TSHZ3: variants seen among roughly 807,000 people sequenced by gnomAD.
TSHZ3 encodes the protein teashirt homolog 3.
Under a neutral mutation model 64.5 loss-of-function variants are expected in TSHZ3, and 10 were observed. The ratio of observed to expected loss-of-function variants is 0.16; its 90% CI spans 0.10 to 0.26. The LOEUF (loss-of-function observed/expected upper bound fraction) is 0.26, where lower values mean the gene tolerates loss of function less well. Among genes scored for constraint, TSHZ3 ranks in the 10% least tolerant of loss-of-function variants. The pLI is 1.00. For missense variants in TSHZ3, 1,242 were observed against 1,421.7 expected (o/e 0.87, Z 2.03); for synonymous variants, 608 against 593.1 (o/e 1.03, Z -0.36).
intron 5 of TSHZ3, among the ~76,000 whole-genome samples, chr19:31,197,436 AAGG>A (rs141428087): frequency 3.7e-3 from 559 of 151,844 alleles, no homozygotes; most frequent in African/African-American, 0.013. Context: ...AGTCTGGAAT[AAGG>A]AGAAGAAAAA....
intron 1 of TSHZ3, chr19:31,308,750 C>T (rs1411290297): frequency 5.0e-6 from 2 of 398,446 alleles, no homozygotes; most frequent in African/African-American, 4.1e-5. Flanking sequence ...TCTAAGACCC[C>T]TGCTGAAATC....
At chr19:31,237,484 TTTTC>T (rs1242449151) in intron 3 of TSHZ3, among the ~76,000 whole-genome samples, 2 of 152,136 alleles carry the variant, frequency 1.3e-5, no homozygotes, top group African/African-American at 4.8e-5. Flanking sequence ...TGTTTATTTG[TTTTC>T]TTTATTTTTT....
intron 1 of TSHZ3, among the ~76,000 whole-genome samples, chr19:31,282,695 C>G (rs1157956210): frequency 6.6e-6 from 1 of 152,190 alleles, no homozygotes; most frequent in Non-Finnish European, 1.5e-5. Flanking sequence ...AACTACACAG[C>G]AGGGTCAGAA....
Position 31,279,824 on chromosome 19 carries a change from GAA to G in TSHZ3, c.41-74_41-73del, listed in dbSNP as rs553167929. 1 of 1,234,104 alleles carries G rather than the reference GAA, an allele frequency of 8.1e-7. No individual in the cohort carries two copies. The highest frequency in any genetic ancestry group is 1.1e-6 in the Non-Finnish European group (1 of 937,708). The allele number at this position is 1,234,104 out of a possible 1,614,324, so 76.4% of individuals were successfully genotyped here. On this transcript the variant is annotated intron_variant, in intron 1 of 1. Coordinates refer to ENST00000240587, the MANE Select transcript of TSHZ3 (RefSeq NM_020856.4). This position sits in a 1 kb window ranked among gnomAD's most constrained non-coding sequence, Gnocchi z 6.4. Reference sequence around the variant, plus strand: ...AGAGAGACAGGGAGAAGGAGAGAAAGAAAAAAAAAAGCATTAGTACTTGTTGA... The same window carrying G: ...AGAGAGACAGGGAGAAGGAGAGAAAGAAAAAAAAGCATTAGTACTTGTTGA...
chr19:31,286,472 C>T (rs981794109), intron 1 of TSHZ3, among the ~76,000 whole-genome samples: 3 of 152,234 alleles, frequency 2.0e-5, no homozygotes, highest in Non-Finnish European at 4.4e-5. Context: ...ATCTGGTCCT[C>T]TCAATGGTCA....
intron 1 of TSHZ3, among the ~76,000 whole-genome samples, chr19:31,304,948 C>T (rs962556319): frequency 5.9e-5 from 9 of 152,180 alleles, no homozygotes; most frequent in Non-Finnish European, 1.0e-4. Flanking sequence ...CCTTTGCAGA[C>T]GCAGTAATTT....
At position 31,213,885 on chromosome 19, in the gene TSHZ3, G is replaced by T. The variant is rs185856840; in HGVS notation, n.687-8807C>A. Among the ~76,000 whole-genome samples, 168 of 152,344 alleles carry T rather than the reference G, an allele frequency of 1.1e-3. 2 individuals are homozygous for T. The highest frequency in any genetic ancestry group is 2.9e-4 in the Non-Finnish European group (20 of 68,032). The stretch of plus-strand genomic sequence containing the variant: ...AGCCTCGAGCTGCCCCTGGAGTTTA[G>T]ACAATTATCTTCCTTTGAGGATTTG... On this transcript the variant is annotated intron_variant and non_coding_transcript_variant, in intron 4 of 6. Coordinates refer to the TSHZ3 transcript ENST00000651361.
intron 5 of TSHZ3, among the ~76,000 whole-genome samples, chr19:31,200,721 G>A (rs1350003707): frequency 1.3e-5 from 2 of 152,066 alleles, no homozygotes. Context: ...TGTAAAATAT[G>A]GACTCTGGGT....
chr19:31,283,396 C>T (rs1033753592), intron 1 of TSHZ3, among the ~76,000 whole-genome samples: 4 of 152,148 alleles, frequency 2.6e-5, no homozygotes, highest in African/African-American at 9.7e-5. Flanking sequence ...GCAATAATTT[C>T]ACTACTCTGA....
chr19:31,186,364 A>G (rs1311694565), intron 5 of TSHZ3, among the ~76,000 whole-genome samples: 1 of 152,200 alleles, frequency 6.6e-6, no homozygotes, highest in South Asian at 2.1e-4. Context: ...GGTTACCCTC[A>G]TGCTGTTCTC....
intron 5 of TSHZ3, among the ~76,000 whole-genome samples, chr19:31,191,088 T>G (rs1254280063): frequency 6.6e-6 from 1 of 152,090 alleles, no homozygotes; most frequent in Non-Finnish European, 1.5e-5. Flanking sequence ...TTAACTGGGA[T>G]GTCAGAAAGT....
intron 1 of TSHZ3, among the ~76,000 whole-genome samples, chr19:31,246,034 C>G (rs1276053033): frequency 2.0e-5 from 3 of 152,124 alleles, no homozygotes; most frequent in African/African-American, 7.2e-5. Context: ...GTATTCAGAC[C>G]TCAGAGACTT....
chr19:31,273,307 G>A (rs879121617), downstream of TSHZ3, among the ~76,000 whole-genome samples: 8 of 152,194 alleles, frequency 5.3e-5, no homozygotes, highest in Admixed American at 2.0e-4. Context: ...CCACGTATAT[G>A]AGCAGTCCTT....
intron 1 of TSHZ3, among the ~76,000 whole-genome samples, chr19:31,266,645 C>T (rs1362645708): frequency 6.6e-6 from 1 of 152,170 alleles, no homozygotes; most frequent in African/African-American, 2.4e-5. Context: ...GAGAGCAACA[C>T]CCTGTCTCCA....
At chr19:31,199,397 C>T (rs1381142060) in intron 5 of TSHZ3, among the ~76,000 whole-genome samples, 3 of 73,928 alleles carry the variant, frequency 4.1e-5, no homozygotes, top group Admixed American at 1.9e-4. Context: ...AGCGAGACTC[C>T]GCCAAAAAAA....
intron 1 of TSHZ3, among the ~76,000 whole-genome samples, chr19:31,243,760 C>T (rs73033809): frequency 0.028 from 4,205 of 152,228 alleles, 81 homozygotes; most frequent in Non-Finnish European, 0.038. Flanking sequence ...GGAATGGGAG[C>T]TGGGTCCCCT....
intron 1 of TSHZ3, among the ~76,000 whole-genome samples, chr19:31,288,185 GAT>G (rs1266093297): frequency 2.0e-5 from 3 of 152,244 alleles, no homozygotes; most frequent in Admixed American, 6.5e-5. Flanking sequence ...GAGGAAGGAT[GAT>G]GGCTTGGGAA....
At chr19:31,307,755 C>T (rs755775442) in intron 1 of TSHZ3, among the ~76,000 whole-genome samples, 10 of 152,216 alleles carry the variant, frequency 6.6e-5, no homozygotes, top group African/African-American at 7.2e-5. Context: ...GCCTGCCTTC[C>T]TTAGGCGGGC....
chr19:31,289,451 A>C (rs1487091026), intron 1 of TSHZ3, among the ~76,000 whole-genome samples: 1 of 152,190 alleles, frequency 6.6e-6, no homozygotes, highest in East Asian at 1.9e-4. Context: ...AGGGCAAGGA[A>C]AGGAGGCAAG....
Sources: allele counts gnomAD v4.1 joint callset (sites outside exome capture counted in the v4.1 genomes callset), GRCh38; gene constraint gnomAD v4.1.1; non-coding constraint Gnocchi (gnomAD v3.1); transcripts MANE v1.5; gene names NCBI Gene and HGNC (gene_info 2026-07-23, HGNC 2026-07-21).